The following DAB1 variants were observed in gnomAD, a reference collection of about 807,000 sequenced individuals.
The protein encoded by DAB1 is DAB adaptor protein 1.
In DAB1, 15 loss-of-function variants were observed where a neutral mutation model predicts 64.6. The observed-to-expected ratio is 0.23, with a 90% CI of 0.16 to 0.36. DAB1 has a LOEUF of 0.36. Among genes scored for constraint, DAB1 ranks in the 10% least tolerant of loss-of-function variants. The probability of loss-of-function intolerance (pLI) is 1.00; values close to 1 mark genes in which losing one functional copy is unlikely to be tolerated. For synonymous variants in DAB1, 235 were observed against 251.9 expected, an observed-to-expected ratio of 0.93 and a Z score of 0.64; for missense variants, 596 against 706.7, an observed-to-expected ratio of 0.84 and a Z score of 1.78.
At chr1:58,077,333 T>C (rs569438363) in intron 5 of DAB1, among the ~76,000 whole-genome samples, 26 of 152,140 alleles carry the variant, frequency 1.7e-4, no homozygotes, top group Non-Finnish European at 3.2e-4. Flanking sequence ...AGCTTTCCCC[T>C]GCATGGCGGT....
At chr1:57,199,544 C>T (rs528003671) in intron 2 of DAB1, among the ~76,000 whole-genome samples, 1 of 152,184 alleles carries the variant, frequency 6.6e-6, no homozygotes, top group African/African-American at 2.4e-5. Flanking sequence ...AAGAAGACCG[C>T]GGGCTATGCA....
chr1:57,922,534 ATCCTACGAGATGT>A (rs1194041175), intron 5 of DAB1, among the ~76,000 whole-genome samples: 1 of 152,174 alleles, frequency 6.6e-6, no homozygotes, highest in East Asian at 1.9e-4. Context: ...AGGAACCTCC[ATCCTACGAGATGT>A]TCCTGTTTGT....
At chr1:58,255,551 A>G (rs982158815) in intron 4 of DAB1, among the ~76,000 whole-genome samples, 4 of 152,172 alleles carry the variant, frequency 2.6e-5, no homozygotes, top group Non-Finnish European at 4.4e-5. Context: ...GGAAAGAAAC[A>G]TTATCTCTCC....
chr1:57,307,830 T>C lies in DAB1; in HGVS notation c.-136-16664A>G, dbSNP rs79141861. ...AGACCATACTCTCTTCCCTGTCAAT[T>C]CAATCTAGACCACACCTCCTAGACC... is the stretch of plus-strand genomic sequence containing the variant. On this transcript the variant is annotated intron_variant, in intron 1 of 14. Coordinates refer to ENST00000371236, the MANE Select transcript of DAB1 (RefSeq NM_001365792.1). 1.2e-4 allele frequency among the ~76,000 whole-genome samples: 18 copies of C among 151,994 alleles called. 1 individual carries two copies. The East Asian group carries it at 3.5e-3, about 30-fold the overall frequency.
At chr1:58,384,001 T>C (rs2100549503) in intron 3 of DAB1, among the ~76,000 whole-genome samples, 1 of 152,286 alleles carries the variant, frequency 6.6e-6, no homozygotes, top group Non-Finnish European at 1.5e-5. Flanking sequence ...TAACTAACAG[T>C]GGACAAGAGT....
intron 6 of DAB1, among the ~76,000 whole-genome samples, chr1:57,777,795 T>A (rs1282105396): frequency 6.6e-6 from 1 of 152,134 alleles, no homozygotes; most frequent in Non-Finnish European, 1.5e-5. Context: ...TTTTAGGTCA[T>A]CTGTTCCTGC....
chr1:58,098,762 G>A (rs111530761), intron 5 of DAB1, among the ~76,000 whole-genome samples: 1,663 of 152,302 alleles, frequency 0.011, 27 homozygotes, highest in African/African-American at 0.036. Context: ...GTGAAGCCCC[G>A]GAGAAGGTGG....
intron 1 of DAB1, among the ~76,000 whole-genome samples, chr1:58,532,694 A>G (rs1646453774): frequency 6.6e-6 from 1 of 151,924 alleles, no homozygotes. Flanking sequence ...TGCTCAGCTA[A>G]TTTTTAAAAT....
intron 5 of DAB1, among the ~76,000 whole-genome samples, 188 bp downstream of exon 5, chr1:57,072,095 A>T (rs59848345): frequency 6.7e-6 from 1 of 149,584 alleles, no homozygotes; most frequent in Non-Finnish European, 1.5e-5. Context: ...AAAAAACTGG[A>T]TGGGTATGAG....
At chr1:57,040,477 T>C (rs1647619854) in intron 9 of DAB1, among the ~76,000 whole-genome samples, 1 of 152,200 alleles carries the variant, frequency 6.6e-6, no homozygotes, top group African/African-American at 2.4e-5. Flanking sequence ...CTGATTCTAA[T>C]CCATGACTTC....
chr1:58,372,880 C>A (rs1644279794), intron 3 of DAB1, among the ~76,000 whole-genome samples: 1 of 152,126 alleles, frequency 6.6e-6, no homozygotes, highest in Non-Finnish European at 1.5e-5. Flanking sequence ...ACTCCCCACC[C>A]CTGTAGAACT....
At chr1:57,208,892 G>A (rs1004106182) in intron 2 of DAB1, among the ~76,000 whole-genome samples, 1 of 152,204 alleles carries the variant, frequency 6.6e-6, no homozygotes, top group Non-Finnish European at 1.5e-5. Flanking sequence ...GAAACCTTGA[G>A]AATTACAGAC....
Position 57,011,154 on chromosome 1 carries a change from C to G in DAB1, c.1563G>C (p.Glu521Asp). Residue 521 changes from glutamate to aspartate, a missense_variant, in exon 13 of 15, where the codon GAG (glutamate) becomes GAC (aspartate). This residue lies in a region of DAB1 where 377 missense variants were observed against 400.4 expected (regional missense o/e 0.94). Coordinates refer to ENST00000371236, the MANE Select transcript of DAB1 (RefSeq NM_001365792.1). The stretch of plus-strand genomic sequence containing the variant: ...CAAACTGGTCACTTACAGCTTCTTG[C>G]TCTTCGCTTTTGCTGGGACTTTCAA... ...EGFESPSKSE[E>D]QEAPDGSQAS... 6.2e-7 allele frequency: 1 copy of G among 1,614,012 alleles called. No homozygotes were observed. Among genetic ancestry groups the G allele is most frequent in the Non-Finnish European group, 8.5e-7 (1 of 1,179,874 alleles).
intron 7 of DAB1, among the ~76,000 whole-genome samples, chr1:57,449,080 C>T (rs1048236710): frequency 3.3e-5 from 5 of 152,014 alleles, no homozygotes; most frequent in Non-Finnish European, 5.9e-5. Context: ...AGGCTATGAC[C>T]GAGTATCAGG....
intron 1 of DAB1, among the ~76,000 whole-genome samples, chr1:57,394,590 A>C (rs558715210): frequency 5.4e-4 from 83 of 152,340 alleles, no homozygotes; most frequent in African/African-American, 2.0e-3. Flanking sequence ...TTCTCTGCAG[A>C]TGCCCCTGGA....
intron 2 of DAB1, among the ~76,000 whole-genome samples, chr1:57,199,655 G>A (rs368074793): frequency 6.6e-6 from 1 of 152,182 alleles, no homozygotes; most frequent in East Asian, 1.9e-4. Context: ...GAATAAAACT[G>A]TTACTACCAA....
chr1:57,419,491 A>G (rs1684738860), intron 1 of DAB1, among the ~76,000 whole-genome samples: 2 of 141,466 alleles, frequency 1.4e-5, no homozygotes, highest in Admixed American at 1.4e-4. Context: ...AATATTTCCA[A>G]TTAAAAAAAA....
intron 2 of DAB1, among the ~76,000 whole-genome samples, chr1:58,521,356 T>C (rs991208688): frequency 6.7e-6 from 1 of 150,202 alleles, no homozygotes; most frequent in African/African-American, 2.4e-5. Flanking sequence ...AAATAAATGA[T>C]AGTAGTATTC....
intron 5 of DAB1, among the ~76,000 whole-genome samples, chr1:57,972,096 A>G (rs1557587653): frequency 6.6e-6 from 1 of 152,242 alleles, no homozygotes; most frequent in Non-Finnish European, 1.5e-5. Flanking sequence ...TGATTAATAA[A>G]GTACATATTT....
Sources: allele counts gnomAD v4.1 joint callset (sites outside exome capture counted in the v4.1 genomes callset), GRCh38; gene constraint gnomAD v4.1.1; regional missense constraint gnomAD v4.1.1; transcripts MANE v1.5; gene names NCBI Gene and HGNC (gene_info 2026-07-23, HGNC 2026-07-21).